The following CCAR1 variants were observed in gnomAD, a reference collection of about 807,000 sequenced individuals.
The protein encoded by CCAR1 is cell division cycle and apoptosis regulator protein 1.
Under a neutral mutation model 163.8 loss-of-function variants are expected in CCAR1, and 78 were observed. The ratio of observed to expected loss-of-function variants is 0.48; its 90% confidence interval spans 0.40 to 0.57. The LOEUF (loss-of-function observed/expected upper bound fraction) is 0.57. Among genes scored for constraint, CCAR1 ranks in the 20% least tolerant of loss-of-function variants. CCAR1 has a pLI of 0.00. For missense variants in CCAR1, 1,019 were observed against 1,365.2 expected, an observed-to-expected ratio of 0.75 and a Z score of 4.00; for synonymous variants, 443 against 460.7, an observed-to-expected ratio of 0.96 and a Z score of 0.49.
chr10:68,762,102 G>GAGAATA (rs2056479104), intron 16 of CCAR1, among the ~76,000 whole-genome samples: 1 of 151,726 alleles, frequency 6.6e-6, no homozygotes, highest in Non-Finnish European at 1.5e-5. Context: ...GGCCGAGGTG[G>GAGAATA]GCGGATCACG....
rs145724854 is a variant in CCAR1, at chr10:68,771,143, A to T, written c.2299-63A>T. 77 of 1,401,854 alleles carry T rather than the reference A, an allele frequency of 5.5e-5. No individual in the cohort carries two copies. The African/African-American group carries it at 1.1e-3, about 19-fold the overall frequency. 86.8% of individuals were successfully genotyped at this position (1,401,854 alleles called of 1,614,324 possible). A position where few individuals can be genotyped will look rare whatever the true frequency, so the allele number is the denominator to read the frequency against. Reference sequence around the variant, plus strand: ...GTGGCAAGTTTTTATTTGCTAAATTACTCTGCTAGCTTTATTATTTCTGTT... The same window carrying T: ...GTGGCAAGTTTTTATTTGCTAAATTTCTCTGCTAGCTTTATTATTTCTGTT... On this transcript the variant is annotated intron_variant, in intron 17 of 24. Coordinates refer to ENST00000265872, the MANE Select transcript of CCAR1 (RefSeq NM_018237.4).
At chr10:68,770,843 C>T (rs1050399144) in intron 17 of CCAR1, among the ~76,000 whole-genome samples, 45 of 152,088 alleles carry the variant, frequency 3.0e-4, no homozygotes, top group African/African-American at 1.0e-3. Context: ...TTTGGGAGGC[C>T]GAGGCGGGCA....
At chr10:68,749,489 G>A (rs2056303419) in intron 9 of CCAR1, 35 bp from the exon 10 acceptor site, 1 of 1,539,298 alleles carries the variant, frequency 6.5e-7, no homozygotes, top group African/African-American at 1.4e-5. Context: ...CATAATATTA[G>A]AAATATTAGT....
At position 68,788,313 on chromosome 10, in the gene CCAR1, C is replaced by G. The variant is rs748369978; in HGVS notation, c.3172C>G (p.Leu1058Val). ...TGAGGTAGAACAGAAGCTGCAGTTA[C>G]TAGAAGAAAAAACAGGTAAGGGTCA... is the stretch of plus-strand genomic sequence containing the variant. ...RAEVEQKLQL[L>V]EEKTDEDEKT... The change falls in exon 23 of 25, where the codon CTA becomes GTA. Residue 1058 changes from leucine to valine, a missense_variant. Leu to Val is a conservative substitution (Grantham distance 32, BLOSUM62 1). Transcript: ENST00000265872. 2 of 1,562,366 alleles carry G rather than the reference C, an allele frequency of 1.3e-6. No individual in the cohort carries two copies. Among genetic ancestry groups the G allele is most frequent in the Admixed American group, 4.4e-5 (2 of 45,196 alleles).
chr10:68,767,863 C>G (rs1464578559), intron 17 of CCAR1, among the ~76,000 whole-genome samples: 1 of 152,138 alleles, frequency 6.6e-6, no homozygotes, highest in Non-Finnish European at 1.5e-5. Flanking sequence ...GTTTAGTTTA[C>G]TTTACAACAT....
In CCAR1 at chr10:68,721,258, C is replaced by G. The variant is rs571958861; in HGVS notation, c.-75C>G. On this transcript the variant is annotated 5_prime_UTR_variant, in exon 1 of 25. Transcript: ENST00000265872. ...AAAGCTGACGGGTTTGAAATGGCTT[C>G]GATGTTAGCCGGGACCCGACTCAGG... 5.6e-6 allele frequency: 1 copy of G among 178,600 alleles called. No homozygotes were observed. The highest frequency in any genetic ancestry group is 2.4e-5 in the African/African-American group (1 of 41,618). 11.1% of individuals were successfully genotyped at this position (178,600 alleles called of 1,614,324 possible). A position where few individuals can be genotyped will look rare whatever the true frequency, so the allele number is the denominator to read the frequency against.
intron 6 of CCAR1, among the ~76,000 whole-genome samples, chr10:68,744,350 C>T (rs1031004198): frequency 2.0e-5 from 3 of 152,094 alleles, no homozygotes; most frequent in South Asian, 2.1e-4. Context: ...TTTAGCTAAG[C>T]GCAGTGGCTT....
At chr10:68,774,777 G>A (rs576609949) in intron 19 of CCAR1, among the ~76,000 whole-genome samples, 21 of 152,124 alleles carry the variant, frequency 1.4e-4, no homozygotes, top group African/African-American at 4.3e-4. Flanking sequence ...TTAACCATGC[G>A]GTGACATTTA....
chr10:68,763,290 A>G (rs182253647), intron 16 of CCAR1, among the ~76,000 whole-genome samples: 4 of 152,104 alleles, frequency 2.6e-5, no homozygotes, highest in Admixed American at 2.6e-4. Flanking sequence ...AGCTGGGACT[A>G]CAGGCATGCA....
Position 68,786,657 on chromosome 10 carries a change from CT to C in CCAR1, c.2848del (p.Tyr950IlefsTer12). ...TCTTGAAAAGGATTTGGAAGAAATA[CT>C]TTATACTCTTGGACTACATCTTTCT... ...YLLEKDLEEI[L>X]YTLGLHLSRA... On this transcript the variant is annotated frameshift_variant, in exon 21 of 25. Coordinates refer to ENST00000265872, the MANE Select transcript of CCAR1 (RefSeq NM_018237.4). LOFTEE classifies it high-confidence loss of function. The C allele has an allele frequency of 6.2e-7, 1 of 1,602,680 alleles. No homozygotes were observed. Among genetic ancestry groups the C allele is most frequent in the Non-Finnish European group, 8.5e-7 (1 of 1,176,268 alleles).
chr10:68,752,849 C>T (rs751503133), intron 10 of CCAR1, among the ~76,000 whole-genome samples: 12 of 150,768 alleles, frequency 8.0e-5, no homozygotes, highest in Non-Finnish European at 1.3e-4. Flanking sequence ...CTGGCCTGGG[C>T]GACAGAGCAA....
At chr10:68,745,968 T>G (rs1034268207) in intron 6 of CCAR1, among the ~76,000 whole-genome samples, 13 of 151,998 alleles carry the variant, frequency 8.6e-5, no homozygotes, top group Non-Finnish European at 1.8e-4. Flanking sequence ...TATTTTTAAA[T>G]TTTTTATTTA....
rs2056600933 is a variant in CCAR1 at position 68,771,434 on chromosome 10, G to A, written c.2527G>A (p.Asp843Asn). The change falls in exon 18 of 25, where the codon GAT becomes AAT. Residue 843 changes from aspartate (D) to asparagine (N), a missense_variant. This residue lies in a region of CCAR1 where 358 missense variants were observed against 406.4 expected (regional missense o/e 0.88). Transcript: ENST00000265872. ...TGATAAAGATAAAAAAGAAGATAGA[G>A]ATGAAAGGAAGGTCTGTAATAACAA... ...GDDKDKKEDRDERKKEDKRKD... is the reference protein window; with the variant it reads ...GDDKDKKEDRNERKKEDKRKD... 1.3e-6 allele frequency: 2 copies of A among 1,582,870 alleles called. No individual in the cohort carries two copies. Among genetic ancestry groups the A allele is most frequent in the South Asian group, 1.2e-5 (1 of 83,868 alleles).
Position 68,747,456 on chromosome 10 carries a change from A to G in CCAR1, c.716A>G (p.Gln239Arg). Residue 239 changes from glutamine to arginine, a missense_variant, in exon 8 of 25, where the codon CAG (glutamine) becomes CGG (arginine). By Grantham distance (43) the Gln-to-Arg change is conservative. Transcript: ENST00000265872. ...GCACCACAGACAACATTTGGTGTTCAGACTCAGCCCCAGCCCCAGTCACTG... is the reference window on the plus strand; with the variant it reads ...GCACCACAGACAACATTTGGTGTTCGGACTCAGCCCCAGCCCCAGTCACTG... Reference protein sequence around the residue: ...PIAPQTTFGVQTQPQPQSLLQ... With the variant: ...PIAPQTTFGVRTQPQPQSLLQ... The G allele has an allele frequency of 6.2e-7, 1 of 1,614,108 alleles. No individual in the cohort carries two copies. Among genetic ancestry groups the G allele is most frequent in the Non-Finnish European group, 8.5e-7 (1 of 1,179,984 alleles).
Position 68,756,337 on chromosome 10 carries a change from G to T in CCAR1, c.1690G>T (p.Ala564Ser). The T allele has an allele frequency of 4.3e-6, 7 of 1,614,098 alleles. No individual in the cohort carries two copies. The highest frequency in any genetic ancestry group is 5.9e-6 in the Non-Finnish European group (7 of 1,180,012). ...GACCCACAAGGGGCGTACAGTTCCAGCTCATGTGGAGACAGTGGTTTTATT... is the reference window on the plus strand; with the variant it reads ...GACCCACAAGGGGCGTACAGTTCCATCTCATGTGGAGACAGTGGTTTTATT... ...EETHKGRTVP[A>S]HVETVVLFFP... Residue 564 changes from alanine (A) to serine (S), a missense_variant, in exon 14 of 25, where the codon GCT becomes TCT. By Grantham distance (99) the Ala-to-Ser change is moderately conservative. Transcript: ENST00000265872. The surrounding 1 kb of genome is among the most constrained non-coding windows in gnomAD (Gnocchi z 5.1).
At chr10:68,734,110 T>C (rs1252567588) in intron 2 of CCAR1, among the ~76,000 whole-genome samples, 1 of 152,190 alleles carries the variant, frequency 6.6e-6, no homozygotes, top group East Asian at 1.9e-4. Flanking sequence ...TTTTAAATAG[T>C]TGATGGTAAA....
chr10:68,786,458 A>G, intron 20 of CCAR1, 88 bp from the exon 21 acceptor site: 1 of 898,576 alleles, frequency 1.1e-6, no homozygotes, highest in African/African-American at 1.7e-5. Flanking sequence ...GATTATTGCT[A>G]TCTTATGCAC....
chr10:68,769,057 G>A (rs987921032), intron 17 of CCAR1, among the ~76,000 whole-genome samples: 7 of 152,036 alleles, frequency 4.6e-5, no homozygotes, highest in African/African-American at 1.4e-4. Context: ...TCACTGCAAC[G>A]TCCACGTCCC....
chr10:68,738,239 AC>A (rs1226493827), intron 4 of CCAR1, among the ~76,000 whole-genome samples: 2 of 151,936 alleles, frequency 1.3e-5, no homozygotes, highest in Non-Finnish European at 2.9e-5. Context: ...ACATGGAGAA[AC>A]CCCATCTCTA....
Sources: allele counts gnomAD v4.1 joint callset (sites outside exome capture counted in the v4.1 genomes callset), GRCh38; gene constraint gnomAD v4.1.1; regional missense constraint gnomAD v4.1.1; non-coding constraint Gnocchi (gnomAD v3.1); transcripts MANE v1.5; gene names NCBI Gene and HGNC (gene_info 2026-07-23, HGNC 2026-07-21).